The following LRFN5 variants were observed in gnomAD, a reference collection of about 807,000 sequenced individuals.
LRFN5 encodes leucine rich repeat and fibronectin type III domain containing 5.
Under a neutral mutation model 45.6 loss-of-function variants are expected in LRFN5, and 24 were observed. The observed-to-expected ratio is 0.53, with a 90% CI of 0.38 to 0.74. The LOEUF is 0.74. Ranked by LOEUF, LRFN5 falls within the 30% of genes least tolerant of loss-of-function variation. LRFN5 has a pLI of 0.00. For missense variants in LRFN5, 776 were observed against 861.5 expected (o/e 0.90, Z 1.24); for synonymous variants, 340 against 313.8 (o/e 1.08, Z -0.88).
chr14:41,899,655 CA>C (rs1891046634), intron 5 of LRFN5, among the ~76,000 whole-genome samples: 2 of 152,098 alleles, frequency 1.3e-5, no homozygotes, highest in Admixed American at 1.3e-4. Flanking sequence ...GGCACACACA[CA>C]AAAATTCTGC....
intron 5 of LRFN5, among the ~76,000 whole-genome samples, chr14:41,902,949 A>T (rs1371748711): frequency 1.3e-5 from 2 of 151,660 alleles, no homozygotes; most frequent in Admixed American, 1.3e-4. Flanking sequence ...GTGATTTTGC[A>T]ATGTTTTTCT....
At chr14:41,610,661 T>TGAAAA (rs1334122731) in intron 1 of LRFN5, among the ~76,000 whole-genome samples, 1 of 37,340 alleles carries the variant, frequency 2.7e-5, no homozygotes, top group East Asian at 3.4e-4. Flanking sequence ...CCAGGGAAGG[T>TGAAAA]AAAAAAAAAA....
intron 1 of LRFN5, among the ~76,000 whole-genome samples, chr14:41,667,496 T>G (rs1210096565): frequency 6.6e-6 from 1 of 152,156 alleles, no homozygotes; most frequent in Admixed American, 6.6e-5. Flanking sequence ...GGTTAGTGGC[T>G]AACATGCTGG....
intron 2 of LRFN5, among the ~76,000 whole-genome samples, chr14:41,832,783 G>A (rs2147106): frequency 0.27 from 40,589 of 152,052 alleles, 6,540 homozygotes; most frequent in African/African-American, 0.45. Flanking sequence ...TCAAAATGCC[G>A]TTCTACTTTT....
chr14:41,647,334 G>T (rs989382282), intron 1 of LRFN5, among the ~76,000 whole-genome samples: 1 of 152,140 alleles, frequency 6.6e-6, no homozygotes, highest in Non-Finnish European at 1.5e-5. Context: ...AAGCAAATCA[G>T]TCATCAAATG....
At chr14:41,718,739 A>C (rs1310158580) in intron 1 of LRFN5, among the ~76,000 whole-genome samples, 1 of 152,166 alleles carries the variant, frequency 6.6e-6, no homozygotes, top group Non-Finnish European at 1.5e-5. Context: ...CGCTAAATCT[A>C]AGCTAAATCT....
intron 1 of LRFN5, among the ~76,000 whole-genome samples, chr14:41,707,055 A>T (rs1883096610): frequency 6.6e-6 from 1 of 152,178 alleles, no homozygotes; most frequent in African/African-American, 2.4e-5. Context: ...TCTTCCCTAA[A>T]TGCACAAATT....
intron 1 of LRFN5, among the ~76,000 whole-genome samples, chr14:41,720,489 A>T (rs968733033): frequency 1.3e-5 from 2 of 152,040 alleles, no homozygotes; most frequent in Admixed American, 1.3e-4. Flanking sequence ...TTAATTTGAG[A>T]TCTTCCTAAC....
chr14:41,753,028 T>TCCC (rs939008317), intron 1 of LRFN5, among the ~76,000 whole-genome samples: 2 of 152,210 alleles, frequency 1.3e-5, no homozygotes, highest in African/African-American at 4.8e-5. Context: ...AGGGAAACCT[T>TCCC]CCCCCATTTC....
In LRFN5 at chr14:41,784,633, G is replaced by GTT. The variant is rs1886652471; in HGVS notation, c.-21+17605_-21+17606insTT. 5.9e-4 allele frequency among the ~76,000 whole-genome samples: 6 copies of GTT among 10,218 alleles called. No homozygotes were observed. In the South Asian group the frequency reaches 0.025, roughly 43 times the overall value. The allele number at this position is 10,218 out of a possible 152,430, so 6.7% of individuals were successfully genotyped here. ...CCTGTGTGTGTATGTGTGTGTGTTT[G>GTT]TGTGTGTGTGTGTGTGACAGAGTCT... On this transcript the variant is annotated intron_variant, in intron 2 of 5. Coordinates refer to ENST00000298119, the MANE Select transcript of LRFN5 (RefSeq NM_152447.5).
rs183084811 is a variant in LRFN5 at position 41,785,152 on chromosome 14, G to T, written c.-21+18123G>T. Reference sequence around the variant, plus strand: ...ACTATTTTATATTGTTTGCATTTTTGAGTTTAAAGTGTCTTTCTTTTAGCG... The same window carrying T: ...ACTATTTTATATTGTTTGCATTTTTTAGTTTAAAGTGTCTTTCTTTTAGCG... On this transcript the variant is annotated intron_variant, in intron 2 of 5. Transcript: ENST00000298119. 2.1e-3 allele frequency among the ~76,000 whole-genome samples: 316 copies of T among 151,984 alleles called. 1 individual carries two copies. The highest frequency in any genetic ancestry group is 3.9e-3 in the East Asian group (20 of 5,130).
intron 1 of LRFN5, among the ~76,000 whole-genome samples, chr14:41,632,163 A>G (rs574601466): frequency 7.0e-6 from 1 of 143,348 alleles, no homozygotes; most frequent in Non-Finnish European, 1.5e-5. Flanking sequence ...AGTCACAAGG[A>G]AAAAAAAAAC....
At chr14:41,894,088 G>A in intron 4 of LRFN5, 1 of 983,838 alleles carries the variant, frequency 1.0e-6, no homozygotes, top group South Asian at 4.7e-5. Context: ...AGATTTATCA[G>A]CATAGTATTA....
At chr14:41,773,759 TAATGCAAATATACTTATTAGA>T (rs2138898298) in intron 2 of LRFN5, among the ~76,000 whole-genome samples, 1 of 152,362 alleles carries the variant, frequency 6.6e-6, no homozygotes, top group South Asian at 2.1e-4. Flanking sequence ...CCATCTGAGA[TAATGCAAATATACTTATTAGA>T]AGTACCAATT....
At chr14:41,704,670 AAT>A (rs1419819189) in intron 1 of LRFN5, among the ~76,000 whole-genome samples, 4 of 151,928 alleles carry the variant, frequency 2.6e-5, no homozygotes, top group African/African-American at 7.3e-5. Flanking sequence ...CACATGTCAA[AAT>A]ATATTATCAC....
At chr14:41,647,384 T>A (rs547997567) in intron 1 of LRFN5, among the ~76,000 whole-genome samples, 5 of 152,098 alleles carry the variant, frequency 3.3e-5, no homozygotes, top group Non-Finnish European at 7.4e-5. Context: ...AAATGTTACA[T>A]CTCATGGAGG....
chr14:41,891,511 G>A lies in LRFN5; in HGVS notation c.1647G>A (p.Met549Ile). ...ASVLVFIIIL[M>I]IRYKVCNNNG... ...TGCTGGTATTCATCATTATTCTGAT[G>A]ATCCGGTATAAGGTTTGCAACAATA... The change falls in exon 4 of 6, where the codon ATG becomes ATA. Residue 549 changes from methionine to isoleucine, a missense_variant. Transcript: ENST00000298119. 1.2e-6 allele frequency: 2 copies of A among 1,614,138 alleles called. No individual in the cohort carries two copies. Among genetic ancestry groups the A allele is most frequent in the Non-Finnish European group, 1.7e-6 (2 of 1,180,024 alleles).
At chr14:41,656,088 TGTA>T (rs961102131) in intron 1 of LRFN5, among the ~76,000 whole-genome samples, 12 of 151,984 alleles carry the variant, frequency 7.9e-5, no homozygotes, top group Admixed American at 6.6e-5. Flanking sequence ...ACTTGAGTAA[TGTA>T]GTAATCTTAG....
chr14:41,616,113 T>C (rs1887918277), intron 1 of LRFN5, among the ~76,000 whole-genome samples: 1 of 152,088 alleles, frequency 6.6e-6, no homozygotes, highest in South Asian at 2.1e-4. Flanking sequence ...TCCCAATAAA[T>C]AGAGAAAATT....
Sources: gnomAD v4.1 joint callset for allele counts (sites outside exome capture counted in the v4.1 genomes callset) on GRCh38, gnomAD v4.1.1 for gene constraint, MANE v1.5 for transcripts, NCBI Gene and HGNC (gene_info 2026-07-23, HGNC 2026-07-21) for gene names.